The following KCTD8 variants were observed in gnomAD, a reference collection of about 807,000 sequenced individuals.
KCTD8 encodes BTB/POZ domain-containing protein KCTD8.
A neutral mutation model predicts 31.5 loss-of-function variants in KCTD8; 27 were observed. That is an observed-to-expected ratio of 0.86 (90% confidence interval 0.63 to 1.18). KCTD8 has a LOEUF of 1.18. KCTD8 is among the 50% of genes most tolerant of loss of function. The pLI is 0.00. For missense variants in KCTD8, 658 were observed against 647.7 expected (o/e 1.02, Z -0.17); for synonymous variants, 290 against 280.0 (o/e 1.04, Z -0.36).
intron 1 of KCTD8, among the ~76,000 whole-genome samples, chr4:44,443,067 AT>A (rs1425912785): frequency 6.6e-6 from 1 of 152,182 alleles, no homozygotes; most frequent in Non-Finnish European, 1.5e-5. Flanking sequence ...GATTTTTGTC[AT>A]TTTGTCTGCT....
chr4:44,423,188 C>T (rs890602006), intron 1 of KCTD8, among the ~76,000 whole-genome samples: 18 of 152,064 alleles, frequency 1.2e-4, no homozygotes, highest in African/African-American at 4.3e-4. Context: ...ACAAGTTAGT[C>T]CTCCTACAAC....
chr4:44,264,336 ATT>A (rs1259147185), intron 1 of KCTD8, among the ~76,000 whole-genome samples: 12 of 152,288 alleles, frequency 7.9e-5, no homozygotes, highest in African/African-American at 2.6e-4. Context: ...CCATTATACA[ATT>A]TAAATCACTT....
intron 1 of KCTD8, among the ~76,000 whole-genome samples, chr4:44,418,543 A>G (rs1354271491): frequency 6.6e-6 from 1 of 152,208 alleles, no homozygotes; most frequent in Non-Finnish European, 1.5e-5. Context: ...ACTATCAAGT[A>G]GTTATTTTTA....
At chr4:44,202,684 C>T (rs192732176) in intron 1 of KCTD8, among the ~76,000 whole-genome samples, 2 of 152,168 alleles carry the variant, frequency 1.3e-5, no homozygotes, top group East Asian at 3.9e-4. Flanking sequence ...ATTATGCTCA[C>T]TATCTGGGTG....
intron 1 of KCTD8, among the ~76,000 whole-genome samples, chr4:44,175,461 A>G (rs1713187968): frequency 6.6e-6 from 1 of 152,246 alleles, no homozygotes; most frequent in South Asian, 2.1e-4. Context: ...CTGATTAATT[A>G]TTCAAAACAA....
intron 1 of KCTD8, among the ~76,000 whole-genome samples, chr4:44,334,063 G>A (rs1718655656): frequency 6.6e-6 from 1 of 151,982 alleles, no homozygotes; most frequent in Non-Finnish European, 1.5e-5. Flanking sequence ...AACTTATAGA[G>A]AATTTGAAGA....
At chr4:44,212,178 T>C (rs902307313) in intron 1 of KCTD8, among the ~76,000 whole-genome samples, 8 of 152,160 alleles carry the variant, frequency 5.3e-5, no homozygotes, top group Admixed American at 5.2e-4. Context: ...AATCTACACA[T>C]GCGATAAAAT....
At chr4:44,323,442 T>C (rs912562267) in intron 1 of KCTD8, among the ~76,000 whole-genome samples, 2 of 150,780 alleles carry the variant, frequency 1.3e-5, no homozygotes, top group African/African-American at 4.9e-5. Context: ...TGCAGTGAGC[T>C]GAGATTGCGC....
At chr4:44,392,257 G>A (rs1044245078) in intron 1 of KCTD8, among the ~76,000 whole-genome samples, 8 of 151,954 alleles carry the variant, frequency 5.3e-5, no homozygotes, top group Admixed American at 4.6e-4. Context: ...GAATGTAGGA[G>A]ATAGAATTAG....
intron 1 of KCTD8, among the ~76,000 whole-genome samples, chr4:44,387,997 A>C (rs1202005751): frequency 6.8e-6 from 1 of 147,482 alleles, no homozygotes; most frequent in African/African-American, 2.5e-5. Flanking sequence ...TCATCTATAA[A>C]GAACTTAAAC....
At chr4:44,369,192 G>A (rs1301691341) in intron 1 of KCTD8, among the ~76,000 whole-genome samples, 2 of 152,210 alleles carry the variant, frequency 1.3e-5, no homozygotes, top group African/African-American at 4.8e-5. Flanking sequence ...ATTCGGCACA[G>A]TCTTCTGTAA....
At position 44,323,508 on chromosome 4, in the gene KCTD8, C is replaced by A. The variant is rs112062269; in HGVS notation, c.961+124055G>T. Among the ~76,000 whole-genome samples, 1,009 of 136,392 alleles carry A rather than the reference C, an allele frequency of 7.4e-3. 22 individuals carry two copies. The highest frequency in any genetic ancestry group is 0.025 in the African/African-American group (938 of 37,042). The allele number at this position is 136,392 out of a possible 152,430, so 89.5% of individuals were successfully genotyped here. ...AAACTCCATCCCCACCCACCCCCCC[C>A]CAAAAAAAATTAAAAATTAAAAAAA... On this transcript the variant is annotated intron_variant, in intron 1 of 1. Transcript: ENST00000360029.
At chr4:44,228,441 T>C (rs1226489597) in intron 1 of KCTD8, among the ~76,000 whole-genome samples, 1 of 152,188 alleles carries the variant, frequency 6.6e-6, no homozygotes, top group East Asian at 1.9e-4. Flanking sequence ...TACTGCAAAT[T>C]AGGACTTTAA....
At chr4:44,292,335 A>C (rs1717305149) in intron 1 of KCTD8, among the ~76,000 whole-genome samples, 1 of 152,192 alleles carries the variant, frequency 6.6e-6, no homozygotes, top group Non-Finnish European at 1.5e-5. Flanking sequence ...ACATGGATGC[A>C]GCTGGAAGTT....
intron 1 of KCTD8, among the ~76,000 whole-genome samples, chr4:44,302,276 C>A (rs146350106): frequency 0.03 from 4,486 of 152,028 alleles, 256 homozygotes; most frequent in African/African-American, 0.1. Context: ...TAGCTTGATG[C>A]GGATGGCATT....
chr4:44,180,991 C>A (rs1389742007), intron 1 of KCTD8, among the ~76,000 whole-genome samples: 5 of 152,132 alleles, frequency 3.3e-5, no homozygotes, highest in African/African-American at 7.2e-5. Flanking sequence ...TCTGCAAGTT[C>A]ACTGACAGTA....
At chr4:44,237,085 C>G (rs1335913522) in intron 1 of KCTD8, among the ~76,000 whole-genome samples, 1 of 152,082 alleles carries the variant, frequency 6.6e-6, no homozygotes, top group Non-Finnish European at 1.5e-5. Flanking sequence ...AGCATGAGAA[C>G]AGACCAATGC....
intron 1 of KCTD8, among the ~76,000 whole-genome samples, chr4:44,364,333 G>C (rs1719575589): frequency 6.6e-6 from 1 of 152,114 alleles, no homozygotes. Flanking sequence ...CAGATGAAAA[G>C]TGGCTCAATA....
Position 44,227,839 on chromosome 4 carries a change from A to T in KCTD8, c.962-52589T>A, listed in dbSNP as rs184711943. 2.5e-3 allele frequency among the ~76,000 whole-genome samples: 377 copies of T among 152,268 alleles called. 1 individual carries two copies. Among genetic ancestry groups the T allele is most frequent in the African/African-American group, 8.3e-3 (344 of 41,564 alleles). On this transcript the variant is annotated intron_variant, in intron 1 of 1. Coordinates refer to ENST00000360029, the MANE Select transcript of KCTD8 (RefSeq NM_198353.3). Reference sequence around the variant, plus strand: ...CTTAAAATATATATCAAATATTTACATCTTTTATTCCAGCACCTACACCCT... The same window carrying T: ...CTTAAAATATATATCAAATATTTACTTCTTTTATTCCAGCACCTACACCCT...
Sources: gnomAD v4.1 joint callset for allele counts (sites outside exome capture counted in the v4.1 genomes callset) on GRCh38, gnomAD v4.1.1 for gene constraint, MANE v1.5 for transcripts, NCBI Gene and HGNC (gene_info 2026-07-23, HGNC 2026-07-21) for gene names.